The following ANKRD44 variants were observed in gnomAD, a reference collection of about 807,000 sequenced individuals.
ANKRD44 encodes ankyrin repeat domain 44, also known as serine/threonine-protein phosphatase 6 regulatory ankyrin repeat subunit B.
A neutral mutation model predicts 116.0 loss-of-function variants in ANKRD44; 35 were observed. That is an observed-to-expected ratio of 0.30 (90% CI 0.23 to 0.40). The LOEUF is 0.40. ANKRD44 is among the 10% of genes least tolerant of loss of function. The pLI is 1.00. For missense variants in ANKRD44, 1,014 were observed against 1,242.6 expected, an observed-to-expected ratio of 0.82 and a Z score of 2.77; for synonymous variants, 435 against 461.8, an observed-to-expected ratio of 0.94 and a Z score of 0.74.
intron 2 of ANKRD44, among the ~76,000 whole-genome samples, chr2:197,165,805 T>C (rs766270492): frequency 2.6e-5 from 4 of 152,242 alleles, no homozygotes; most frequent in Admixed American, 6.5e-5. Flanking sequence ...TGGTACGTGA[T>C]AGCTTTTAAA....
intron 2 of ANKRD44, among the ~76,000 whole-genome samples, chr2:197,150,191 C>T (rs376917271): frequency 4.6e-5 from 7 of 152,236 alleles, no homozygotes; most frequent in South Asian, 4.1e-4. Flanking sequence ...CTTAACCCAA[C>T]GCAGCAAACT....
intron 1 of ANKRD44, among the ~76,000 whole-genome samples, chr2:197,225,405 G>A (rs866129834): frequency 6.6e-6 from 1 of 152,040 alleles, no homozygotes; most frequent in Admixed American, 6.6e-5. Context: ...GTGCAGTGGC[G>A]CAATCTCAGC....
chr2:197,021,736 T>C (rs1306555423), intron 17 of ANKRD44, among the ~76,000 whole-genome samples: 1 of 152,242 alleles, frequency 6.6e-6, no homozygotes, highest in Non-Finnish European at 1.5e-5. Flanking sequence ...AGCTGCACAA[T>C]GAGAAAAATT....
chr2:197,113,849 A>G (rs115649456), intron 8 of ANKRD44, among the ~76,000 whole-genome samples: 26 of 152,330 alleles, frequency 1.7e-4, no homozygotes, highest in African/African-American at 4.1e-4. Flanking sequence ...GGGTTCATCT[A>G]TAGCCTGAGT....
At chr2:196,980,696 T>TAA (rs1267736254) in intron 21 of ANKRD44, among the ~76,000 whole-genome samples, 2 of 152,226 alleles carry the variant, frequency 1.3e-5, no homozygotes, top group Admixed American at 6.5e-5. Flanking sequence ...GAGAGCCTCA[T>TAA]AAACACATTT....
Position 197,250,968 on chromosome 2 carries a change from C to T in ANKRD44, c.27+59610G>A, listed in dbSNP as rs2082302912. On this transcript the variant is annotated intron_variant, in intron 1 of 27. Coordinates refer to ENST00000282272, the MANE Select transcript of ANKRD44 (RefSeq NM_001195144.2). ...CAAATTTCAGATGAAACACATCTCT[C>T]TTCACCCATCTTCACTGCATTATGC... 4 of 152,218 alleles carry T rather than the reference C, an allele frequency of 2.6e-5. No homozygotes were observed. In the South Asian group the frequency reaches 8.3e-4, roughly 32 times the overall value. 9.4% of individuals were successfully genotyped at this position (152,218 alleles called of 1,614,324 possible).
intron 6 of ANKRD44, 49 bp from the exon 7 acceptor site, chr2:197,122,841 T>C (rs377111183): frequency 6.3e-7 from 1 of 1,583,958 alleles, no homozygotes; most frequent in African/African-American, 1.3e-5. Flanking sequence ...ATAGGACAAT[T>C]TGCTGATTCA....
intron 27 of ANKRD44, among the ~76,000 whole-genome samples, chr2:196,991,141 T>G (rs1410642934): frequency 6.6e-6 from 1 of 152,196 alleles, no homozygotes; most frequent in Non-Finnish European, 1.5e-5. Context: ...GGGCTTTTTA[T>G]TTTTGTTTTC....
intron 4 of ANKRD44, among the ~76,000 whole-genome samples, 153 bp from the exon 5 acceptor site, chr2:197,126,190 G>A (rs2078971042): frequency 6.6e-6 from 1 of 152,198 alleles, no homozygotes; most frequent in Non-Finnish European, 1.5e-5. Context: ...ATTTGGTAAA[G>A]ATCAAAAGAG....
chr2:197,247,901 G>A (rs939636938), intron 1 of ANKRD44, among the ~76,000 whole-genome samples: 1 of 152,096 alleles, frequency 6.6e-6, no homozygotes, highest in African/African-American at 2.4e-5. Context: ...AAGGTGAAGC[G>A]GGAAATGGCT....
chr2:196,992,849 A>G (rs2075946691), intron 27 of ANKRD44: 1 of 152,684 alleles, frequency 6.5e-6, no homozygotes, highest in South Asian at 2.1e-4. Flanking sequence ...ATACATTATA[A>G]TACTTTAATT....
intron 8 of ANKRD44, among the ~76,000 whole-genome samples, chr2:197,117,822 T>C (rs1175711940): frequency 6.6e-6 from 1 of 152,248 alleles, no homozygotes; most frequent in African/African-American, 2.4e-5. Context: ...TATTGATTTC[T>C]AGTTATCCAC....
chr2:197,057,456 G>A (rs2077223966), intron 16 of ANKRD44, among the ~76,000 whole-genome samples: 1 of 152,004 alleles, frequency 6.6e-6, no homozygotes, highest in African/African-American at 2.4e-5. Context: ...TTCTACCTTG[G>A]GGAATATAAG....
intron 3 of ANKRD44, 65 bp downstream of exon 3, chr2:197,146,962 A>C: frequency 6.9e-7 from 1 of 1,445,938 alleles, no homozygotes. Flanking sequence ...TGTAGTAGTC[A>C]ATCTAGTAAA....
rs2125671553 is a variant in ANKRD44 at position 197,203,866 on chromosome 2, C to A, written c.28-16760G>T. ...TATGCTAAGTGCAAGAAGCCAGACACAAAAGGCCACAGGCTGTATGATTCC... is the reference window on the plus strand; with the variant it reads ...TATGCTAAGTGCAAGAAGCCAGACAAAAAAGGCCACAGGCTGTATGATTCC... On this transcript the variant is annotated intron_variant, in intron 1 of 27. Coordinates refer to ENST00000282272, the MANE Select transcript of ANKRD44 (RefSeq NM_001195144.2). The surrounding 1 kb of genome is among the most constrained non-coding windows in gnomAD (Gnocchi z 4.1). Among the ~76,000 whole-genome samples the A allele has an allele frequency of 6.6e-6, 1 of 152,288 alleles. No homozygotes were observed. The highest frequency in any genetic ancestry group is 2.1e-4 in the South Asian group (1 of 4,826).
chr2:196,983,047 G>A (rs528885646), downstream of ANKRD44, among the ~76,000 whole-genome samples: 129 of 152,128 alleles, frequency 8.5e-4, no homozygotes, highest in Middle Eastern at 3.4e-3. Context: ...GTAAGGGGAG[G>A]GAGAGCATTA....
intron 1 of ANKRD44, among the ~76,000 whole-genome samples, chr2:197,248,664 TGGA>T (rs2082251115): frequency 6.6e-6 from 1 of 151,572 alleles, no homozygotes. Flanking sequence ...TCTGTATCTG[TGGA>T]GAACTCTGTC....
At chr2:197,255,555 C>A (rs1309137257) in intron 1 of ANKRD44, among the ~76,000 whole-genome samples, 1 of 152,236 alleles carries the variant, frequency 6.6e-6, no homozygotes, top group Non-Finnish European at 1.5e-5. Context: ...TTGCATTAAA[C>A]ATCATAGTTT....
rs1427764321 is a variant in ANKRD44 at position 197,075,776 on chromosome 2, CCATGCTTACGAT to C, written c.1650+2915_1650+2926del. Among the ~76,000 whole-genome samples the C allele has an allele frequency of 2.0e-5, 3 of 152,194 alleles. No homozygotes were observed. The East Asian group carries it at 5.8e-4, about 29-fold the overall frequency. ...CTGAACACAAAGTGGTTTATAAATT[CCATGCTTACGAT>C]CACAGACAGGAGCCACAAACCATGA... is the stretch of plus-strand genomic sequence containing the variant. On this transcript the variant is annotated intron_variant, in intron 16 of 27. Transcript: ENST00000282272.
Sources: allele counts gnomAD v4.1 joint callset (sites outside exome capture counted in the v4.1 genomes callset), GRCh38; gene constraint gnomAD v4.1.1; non-coding constraint Gnocchi (gnomAD v3.1); transcripts MANE v1.5; gene names NCBI Gene and HGNC (gene_info 2026-07-23, HGNC 2026-07-21).